GNAQ: variants seen among roughly 807,000 people sequenced by gnomAD.
The protein encoded by GNAQ is G protein subunit alpha q.
GNAQ carries 8 observed loss-of-function variants against 43.9 expected under a neutral mutation model. The observed-to-expected ratio is 0.18, with a 90% CI of 0.11 to 0.33. The LOEUF (loss-of-function observed/expected upper bound fraction) is 0.33, where lower values mean the gene tolerates loss of function less well. Among genes scored for constraint, GNAQ ranks in the 10% least tolerant of loss-of-function variants. GNAQ has a pLI of 1.00. For missense variants in GNAQ, 158 were observed against 450.8 expected, an observed-to-expected ratio of 0.35 and a Z score of 5.88; for synonymous variants, 155 against 170.7, an observed-to-expected ratio of 0.91 and a Z score of 0.71.
At chr9:77,762,359 C>T (rs1366687149) in intron 5 of GNAQ, among the ~76,000 whole-genome samples, 3 of 143,730 alleles carry the variant, frequency 2.1e-5, no homozygotes, top group Non-Finnish European at 3.1e-5. Flanking sequence ...CGCCTCTGCC[C>T]GGCCGCCCCT....
intron 2 of GNAQ, among the ~76,000 whole-genome samples, chr9:77,878,140 A>G (rs888517229): frequency 2.6e-5 from 4 of 152,144 alleles, no homozygotes; most frequent in Non-Finnish European, 5.9e-5. Context: ...GTTTTTGTTT[A>G]GTCCCTAACT....
chr9:77,893,980 GAT>G (rs1828446660), intron 2 of GNAQ, among the ~76,000 whole-genome samples: 1 of 152,034 alleles, frequency 6.6e-6, no homozygotes, highest in Non-Finnish European at 1.5e-5. Flanking sequence ...TTTTCTCTGA[GAT>G]GATTTCAGAA....
chr9:77,900,988 T>C (rs1430532923), intron 2 of GNAQ, among the ~76,000 whole-genome samples: 2 of 152,122 alleles, frequency 1.3e-5, no homozygotes, highest in Admixed American at 1.3e-4. Context: ...ACAAACACAC[T>C]CGGTTCTCTC....
At chr9:77,742,715 C>T (rs534671083) in intron 5 of GNAQ, among the ~76,000 whole-genome samples, 96 of 152,250 alleles carry the variant, frequency 6.3e-4, no homozygotes, top group African/African-American at 2.0e-3. Context: ...TTAAATACAA[C>T]TAACAGAAAC....
chr9:77,881,234 A>G (rs1376586801), intron 2 of GNAQ, among the ~76,000 whole-genome samples: 1 of 152,224 alleles, frequency 6.6e-6, no homozygotes, highest in Non-Finnish European at 1.5e-5. Context: ...ACCTACACAG[A>G]CACACATTAC....
chr9:77,898,567 G>A (rs571929471), intron 2 of GNAQ, among the ~76,000 whole-genome samples: 6 of 152,238 alleles, frequency 3.9e-5, no homozygotes, highest in African/African-American at 1.4e-4. Context: ...CATGGCATAT[G>A]GGTGCTCCTT....
At chr9:77,822,916 T>A (rs190819187) in intron 2 of GNAQ, among the ~76,000 whole-genome samples, 143 of 151,942 alleles carry the variant, frequency 9.4e-4, no homozygotes, top group Non-Finnish European at 1.4e-3. Flanking sequence ...AAAACGGTAA[T>A]GAAGCATTTA....
chr9:77,811,513 G>A (rs1386351795), intron 3 of GNAQ, among the ~76,000 whole-genome samples: 1 of 152,074 alleles, frequency 6.6e-6, no homozygotes, highest in East Asian at 1.9e-4. Flanking sequence ...TTTAGTACTG[G>A]GAAATCAGCG....
intron 3 of GNAQ, among the ~76,000 whole-genome samples, chr9:77,808,368 T>C (rs115102268): frequency 0.014 from 2,077 of 150,270 alleles, 40 homozygotes; most frequent in African/African-American, 0.048. Flanking sequence ...TTTTTGTTTG[T>C]TGTTTTACCA....
At chr9:77,768,015 T>G (rs1181852445) in intron 5 of GNAQ, among the ~76,000 whole-genome samples, 4 of 152,236 alleles carry the variant, frequency 2.6e-5, no homozygotes, top group African/African-American at 9.7e-5. Context: ...ATTAAAATAA[T>G]CATGCATTTA....
chr9:77,801,648 AAAGAC>A (rs1826744233), intron 3 of GNAQ, among the ~76,000 whole-genome samples: 1 of 152,214 alleles, frequency 6.6e-6, no homozygotes, highest in African/African-American at 2.4e-5. Context: ...TAGCTTAACA[AAAGAC>A]AAGACTAAGA....
chr9:77,962,664 C>A (rs981495032), intron 1 of GNAQ, among the ~76,000 whole-genome samples: 5 of 151,764 alleles, frequency 3.3e-5, no homozygotes, highest in African/African-American at 7.3e-5. Context: ...CCGAGGCGGG[C>A]GGATCACTTG....
chr9:77,899,480 G>A (rs1261837105), intron 2 of GNAQ, among the ~76,000 whole-genome samples: 1 of 151,590 alleles, frequency 6.6e-6, no homozygotes, highest in African/African-American at 2.4e-5. Flanking sequence ...ACTGTTCTAG[G>A]GATATAAGAG....
intron 5 of GNAQ, among the ~76,000 whole-genome samples, chr9:77,763,780 A>G (rs10781459): frequency 0.56 from 85,525 of 152,118 alleles, 27,204 homozygotes; most frequent in Non-Finnish European, 0.72. Context: ...CACACTGGTA[A>G]TGCAGAGGCA....
intron 5 of GNAQ, among the ~76,000 whole-genome samples, chr9:77,759,386 A>C (rs996601174): frequency 4.0e-5 from 6 of 150,646 alleles, no homozygotes; most frequent in Non-Finnish European, 7.4e-5. Flanking sequence ...TGCTAAATTC[A>C]ATCATATCAA....
At chr9:77,978,668 A>C (rs1168475014) in intron 1 of GNAQ, among the ~76,000 whole-genome samples, 1 of 152,230 alleles carries the variant, frequency 6.6e-6, no homozygotes, top group South Asian at 2.1e-4. Flanking sequence ...AAGGAAATAG[A>C]ACCCTTTATC....
At chr9:77,964,998 T>G (rs1823148823) in intron 1 of GNAQ, among the ~76,000 whole-genome samples, 1 of 152,166 alleles carries the variant, frequency 6.6e-6, no homozygotes. Context: ...CTATTAGACC[T>G]AATGTGACTA....
intron 2 of GNAQ, among the ~76,000 whole-genome samples, chr9:77,896,320 A>T (rs1212050546): frequency 6.6e-6 from 1 of 152,196 alleles, no homozygotes; most frequent in Admixed American, 6.5e-5. Flanking sequence ...AACATACATA[A>T]AAGTTTGGAG....
At chr9:77,785,445 T>G (rs1426691639) in intron 5 of GNAQ, among the ~76,000 whole-genome samples, 1 of 152,202 alleles carries the variant, frequency 6.6e-6, no homozygotes, top group Non-Finnish European at 1.5e-5. Context: ...TTCTGGTGCT[T>G]TGTTTCAAGA....
Sources: allele counts gnomAD v4.1 joint callset (sites outside exome capture counted in the v4.1 genomes callset), GRCh38; gene constraint gnomAD v4.1.1; transcripts MANE v1.5; gene names NCBI Gene and HGNC (gene_info 2026-07-23, HGNC 2026-07-21).